The following NRXN3 variants were observed in gnomAD, a reference collection of about 807,000 sequenced individuals.
NRXN3 encodes the protein neurexin III.
In NRXN3, 32 loss-of-function variants were observed where a neutral mutation model predicts 137.6. That is an observed-to-expected ratio of 0.23 (90% CI 0.18 to 0.31). The LOEUF (loss-of-function observed/expected upper bound fraction) is 0.31, where lower values mean the gene tolerates loss of function less well. Among genes scored for constraint, NRXN3 ranks in the 10% least tolerant of loss-of-function variants. NRXN3 has a pLI of 1.00. For synonymous variants in NRXN3, 798 were observed against 784.5 expected (o/e 1.02, Z -0.29); for missense variants, 1,574 against 2,062.5 (o/e 0.76, Z 4.59).
At chr14:79,463,161 A>G (rs180757924) in intron 15 of NRXN3, among the ~76,000 whole-genome samples, 1 of 152,088 alleles carries the variant, frequency 6.6e-6, no homozygotes, top group South Asian at 2.1e-4. Flanking sequence ...TAATACAATA[A>G]GCAATAAAAT....
At chr14:79,826,386 C>T (rs1003087424) in intron 20 of NRXN3, among the ~76,000 whole-genome samples, 15 of 152,250 alleles carry the variant, frequency 9.9e-5, no homozygotes, top group Middle Eastern at 3.4e-3. Flanking sequence ...TGTCCTTACT[C>T]AGGTTCACCA....
intron 4 of NRXN3, among the ~76,000 whole-genome samples, chr14:78,398,006 G>C (rs150336792): frequency 0.073 from 11,005 of 150,756 alleles, 491 homozygotes; most frequent in East Asian, 0.14. Context: ...CCTGAGGTCA[G>C]GAGTTCGAGA....
intron 8 of NRXN3, among the ~76,000 whole-genome samples, chr14:78,750,715 C>T (rs2098637103): frequency 6.6e-6 from 1 of 152,152 alleles, no homozygotes; most frequent in South Asian, 2.1e-4. Context: ...TGGCATTAAA[C>T]ATAAGGATGT....
chr14:78,554,818 A>T (rs769155099), intron 4 of NRXN3, among the ~76,000 whole-genome samples: 1 of 152,130 alleles, frequency 6.6e-6, no homozygotes, highest in East Asian at 1.9e-4. Context: ...GTGTCTTCTA[A>T]CACTTTTCAG....
Position 79,519,188 on chromosome 14 carries a change from T to C in NRXN3, c.3444+51786T>C, listed in dbSNP as rs2153700158. Among the ~76,000 whole-genome samples, 3 of 119,748 alleles carry C rather than the reference T, an allele frequency of 2.5e-5. No homozygotes were observed. The South Asian group carries it at 8.6e-4, about 34-fold the overall frequency. 78.6% of individuals were successfully genotyped at this position (119,748 alleles called of 152,430 possible). A position where few individuals can be genotyped will look rare whatever the true frequency, so the allele number is the denominator to read the frequency against. ...TTACACTTTTCTAGGATATTCTCTA[T>C]CTCCCAAGTTTTCATATATATTTGC... On this transcript the variant is annotated intron_variant, in intron 16 of 20. Transcript: ENST00000335750.
chr14:79,651,570 T>C (rs967055050), intron 16 of NRXN3, among the ~76,000 whole-genome samples: 2 of 152,086 alleles, frequency 1.3e-5, no homozygotes, highest in Non-Finnish European at 2.9e-5. Context: ...TAAAAAAACA[T>C]TGAAATGAAT....
rs12588813 is a variant in NRXN3 at position 78,503,809 on chromosome 14, C to T, written c.758-141311C>T. ...TGTCCTAGTTTCTCTAGGACAGGCC[C>T]ACTTTACATGTGTTGTTCCAGCATG... On this transcript the variant is annotated intron_variant, in intron 4 of 20. Transcript: ENST00000335750. Among the ~76,000 whole-genome samples, 52 of 152,250 alleles carry T rather than the reference C, an allele frequency of 3.4e-4. 2 individuals are homozygous for T. In the East Asian group the frequency reaches 9.3e-3, roughly 27 times the overall value.
At chr14:79,258,867 G>A (rs557280099) in intron 15 of NRXN3, among the ~76,000 whole-genome samples, 32 of 152,272 alleles carry the variant, frequency 2.1e-4, no homozygotes, top group African/African-American at 7.7e-4. Context: ...ATTAAGTGAA[G>A]GTAGCATTTC....
At chr14:79,065,219 G>A (rs961763261) in intron 15 of NRXN3, among the ~76,000 whole-genome samples, 3 of 151,864 alleles carry the variant, frequency 2.0e-5, no homozygotes, top group Non-Finnish European at 2.9e-5. Flanking sequence ...TTGATGTATA[G>A]GTCCCTGATA....
chr14:78,908,079 T>C lies in NRXN3; in HGVS notation c.2276-49163T>C, dbSNP rs554259624. ...TTAGGTTGATTCCATGTCTTTGTTA[T>C]TGTGAACAGTGCTGCAGTGAACGTA... On this transcript the variant is annotated intron_variant, in intron 10 of 20. Coordinates refer to ENST00000335750, the MANE Select transcript of NRXN3 (RefSeq NM_001330195.2). Among the ~76,000 whole-genome samples, 20 of 152,240 alleles carry C rather than the reference T, an allele frequency of 1.3e-4. No individual in the cohort carries two copies. The East Asian group carries it at 3.9e-3, about 29-fold the overall frequency.
At chr14:78,650,202 A>C (rs1361481022) in intron 5 of NRXN3, among the ~76,000 whole-genome samples, 1 of 151,620 alleles carries the variant, frequency 6.6e-6, no homozygotes, top group Non-Finnish European at 1.5e-5. Flanking sequence ...TGTTCAATGC[A>C]TGTAAGTGTG....
At chr14:78,739,539 T>C (rs2098555460) in intron 8 of NRXN3, among the ~76,000 whole-genome samples, 1 of 152,232 alleles carries the variant, frequency 6.6e-6, no homozygotes, top group South Asian at 2.1e-4. Flanking sequence ...TGGCGCGATC[T>C]TGGCTCACTG....
chr14:78,676,771 A>T (rs2098012442), intron 6 of NRXN3, among the ~76,000 whole-genome samples: 2 of 152,108 alleles, frequency 1.3e-5, no homozygotes, highest in Non-Finnish European at 1.5e-5. Context: ...GACAGGCTAA[A>T]CTCTCTTTTT....
At chr14:79,353,001 T>G (rs1332113080) in intron 15 of NRXN3, among the ~76,000 whole-genome samples, 1 of 152,130 alleles carries the variant, frequency 6.6e-6, no homozygotes, top group African/African-American at 2.4e-5. Context: ...TGACATACCT[T>G]AAAAGGATTG....
intron 16 of NRXN3, among the ~76,000 whole-genome samples, chr14:79,490,630 A>G (rs1056180221): frequency 1.4e-5 from 2 of 143,580 alleles, no homozygotes; most frequent in African/African-American, 5.0e-5. Flanking sequence ...AATTGAACTC[A>G]TGGGCATAGA....
chr14:79,520,660 G>A (rs76086763), intron 16 of NRXN3, among the ~76,000 whole-genome samples: 4,163 of 152,210 alleles, frequency 0.027, 198 homozygotes, highest in African/African-American at 0.095. Context: ...TGTTGTATAT[G>A]TGCCACATTT....
intron 15 of NRXN3, among the ~76,000 whole-genome samples, chr14:79,079,088 C>A (rs138383147): frequency 5.9e-4 from 90 of 152,310 alleles, no homozygotes; most frequent in Middle Eastern, 3.4e-3. Context: ...TACTGCAGAA[C>A]AAAGATCATT....
chr14:78,380,794 T>C (rs1266749148), intron 4 of NRXN3, among the ~76,000 whole-genome samples: 1 of 150,614 alleles, frequency 6.6e-6, no homozygotes, highest in African/African-American at 2.4e-5. Context: ...TATCAAGTTT[T>C]TTTTTTTTTT....
chr14:78,638,458 G>A (rs1347378046), intron 4 of NRXN3, among the ~76,000 whole-genome samples: 1 of 152,182 alleles, frequency 6.6e-6, no homozygotes, highest in Non-Finnish European at 1.5e-5. Context: ...TAAGGGAAAT[G>A]AGACAGGGAG....
Sources: allele counts gnomAD v4.1 joint callset (sites outside exome capture counted in the v4.1 genomes callset), GRCh38; gene constraint gnomAD v4.1.1; transcripts MANE v1.5; gene names NCBI Gene and HGNC (gene_info 2026-07-23, HGNC 2026-07-21).